Variants in NKD2 observed in about 807,000 individuals in gnomAD.
NKD2 encodes NKD inhibitor of Wnt signaling pathway 2.
NKD2 carries 43 observed loss-of-function variants against 34.8 expected under a neutral mutation model. The ratio of observed to expected loss-of-function variants is 1.24; its 90% CI spans 0.97 to 1.60. NKD2 has a LOEUF of 1.60. NKD2 is among the 40% of genes most tolerant of loss of function. The pLI, the probability that NKD2 is intolerant of heterozygous loss-of-function variation, is 0.00. For missense variants in NKD2, 675 were observed against 627.1 expected, an observed-to-expected ratio of 1.08 and a Z score of -0.82; for synonymous variants, 278 against 265.1, an observed-to-expected ratio of 1.05 and a Z score of -0.47.
At chr5:1,014,973 C>T (rs1340862338) in intron 3 of NKD2, among the ~76,000 whole-genome samples, 1 of 152,228 alleles carries the variant, frequency 6.6e-6, no homozygotes, top group Non-Finnish European at 1.5e-5. Flanking sequence ...TGCTGCCACT[C>T]ACAGCCTGGC....
At chr5:1,017,894 G>C (rs1756021995) in intron 3 of NKD2, among the ~76,000 whole-genome samples, 1 of 151,956 alleles carries the variant, frequency 6.6e-6, no homozygotes, top group Non-Finnish European at 1.5e-5. Context: ...TGGGGTGTGA[G>C]AGAGGCCGAG....
Position 1,032,132 on chromosome 5 carries a change from C to G in NKD2, c.142-20C>G. 6.2e-7 allele frequency: 1 copy of G among 1,609,266 alleles called. No individual in the cohort carries two copies. The highest frequency in any genetic ancestry group is 8.5e-7 in the Non-Finnish European group (1 of 1,177,180). ...GCCCACTGAGCTATGTGGCCACTGA[C>G]TGCCCCGTTCTTCCTGCAGGAGCTG... On this transcript the variant is annotated intron_variant, in intron 3 of 9. Transcript: ENST00000296849.
chr5:1,035,252 G>C (rs908289423), intron 7 of NKD2, 137 bp from the exon 8 acceptor site: 24 of 719,824 alleles, frequency 3.3e-5, no homozygotes, highest in African/African-American at 7.0e-5. Context: ...GTGAACAAGT[G>C]AGTGAGTTAA....
rs1181666564 is a variant in NKD2 at position 1,009,819 on chromosome 5, C to T, written c.141+259C>T. 3.9e-5 allele frequency among the ~76,000 whole-genome samples: 6 copies of T among 152,114 alleles called. 1 individual carries two copies. The South Asian group carries it at 8.3e-4, about 21-fold the overall frequency. ...GAATTCCTTGTCCTAGGCTGGGAGC[C>T]GTGTGGGGGCTCCATGTTTCGGGCT... On this transcript the variant is annotated intron_variant, in intron 3 of 9. Transcript: ENST00000296849. This position sits in a 1 kb window ranked among gnomAD's most constrained non-coding sequence, Gnocchi z 6.9.
intron 5 of NKD2, among the ~76,000 whole-genome samples, chr5:1,033,718 A>G (rs544593216): frequency 6.6e-6 from 1 of 152,358 alleles, no homozygotes; most frequent in Admixed American, 6.5e-5. Context: ...GAATTTGGCC[A>G]AAACTGACTG....
chr5:1,028,515 G>C (rs964492097), intron 3 of NKD2, among the ~76,000 whole-genome samples: 4 of 152,072 alleles, frequency 2.6e-5, no homozygotes, highest in Non-Finnish European at 4.4e-5. Flanking sequence ...GCCCACGGTC[G>C]GGTTCCTGTC....
intron 7 of NKD2, 131 bp downstream of exon 7, chr5:1,035,034 G>T (rs1733792072): frequency 1.2e-6 from 1 of 821,212 alleles, no homozygotes; most frequent in Non-Finnish European, 1.9e-6. Flanking sequence ...GTGAGTGAGT[G>T]AATGAGTAAG....
Position 1,038,426 on chromosome 5 carries a change from G to A in NKD2, c.*53G>A. The A allele has an allele frequency of 6.5e-7, 1 of 1,535,544 alleles. No individual in the cohort carries two copies. Among genetic ancestry groups the A allele is most frequent in the Non-Finnish European group, 8.7e-7 (1 of 1,146,680 alleles). ...AGCACACCACAGCCCGCGACCTCAG[G>A]GCAGGGAGCAGAGCAGCTGCCGGCT... is the stretch of plus-strand genomic sequence containing the variant. On this transcript the variant is annotated 3_prime_UTR_variant, in exon 10 of 10. Transcript: ENST00000296849. The surrounding 1 kb of genome is among the most constrained non-coding windows in gnomAD (Gnocchi z 4.5).
chr5:1,012,248 A>C (rs1755779605), intron 3 of NKD2, among the ~76,000 whole-genome samples: 1 of 152,262 alleles, frequency 6.6e-6, no homozygotes. Flanking sequence ...ACAGGCTTCC[A>C]TGAAGTAGTG....
chr5:1,031,725 C>T (rs1756651323), intron 3 of NKD2, among the ~76,000 whole-genome samples: 1 of 152,178 alleles, frequency 6.6e-6, no homozygotes, highest in Non-Finnish European at 1.5e-5. Context: ...ATGTTGGGGT[C>T]CTGGGCAGCC....
At chr5:1,032,473 GTC>G (rs1241162622) in intron 4 of NKD2, among the ~76,000 whole-genome samples, 1 of 152,244 alleles carries the variant, frequency 6.6e-6, no homozygotes, top group African/African-American at 2.4e-5. Flanking sequence ...TGTGTTTGGA[GTC>G]TCTGTGAGCC....
chr5:1,021,045 GACAGAA>G (rs59457803), intron 3 of NKD2, among the ~76,000 whole-genome samples: 6,464 of 152,200 alleles, frequency 0.042, 417 homozygotes, highest in African/African-American at 0.14. Flanking sequence ...TGAAGAGGGA[GACAGAA>G]ACATTTCTAT....
chr5:1,027,953 C>T (rs1019318202), intron 3 of NKD2, among the ~76,000 whole-genome samples: 6 of 152,242 alleles, frequency 3.9e-5, no homozygotes, highest in East Asian at 3.8e-4. Context: ...TTCCGACAGA[C>T]GGGGTGGCTC....
intron 4 of NKD2, among the ~76,000 whole-genome samples, 156 bp downstream of exon 4, chr5:1,032,368 C>A (rs918680717): frequency 2.6e-5 from 4 of 152,250 alleles, no homozygotes. Context: ...CTTGGCAGCA[C>A]AACTCACAGG....
chr5:1,020,695 A>G (rs1554002358), intron 3 of NKD2, among the ~76,000 whole-genome samples: 3 of 99,764 alleles, frequency 3.0e-5, no homozygotes. Context: ...TTTTTTCTGC[A>G]TGTGTTTTAC....
In NKD2 at chr5:1,033,502, G is replaced by A; in HGVS notation, c.330+3G>A. The A allele has an allele frequency of 2.6e-6, 4 of 1,547,524 alleles. No homozygotes were observed. The highest frequency in any genetic ancestry group is 3.5e-6 in the Non-Finnish European group (4 of 1,144,998). Reference sequence around the variant, plus strand: ...GCGGGCAGCGCCTCAACATTGACGTGGGTCTCTCTCCGGCCTCACTTGCGG... The same window carrying A: ...GCGGGCAGCGCCTCAACATTGACGTAGGTCTCTCTCCGGCCTCACTTGCGG... On this transcript the variant is annotated splice_donor_region_variant and intron_variant, in intron 5 of 9. Coordinates refer to ENST00000296849, the MANE Select transcript of NKD2 (RefSeq NM_033120.4).
At chr5:1,027,676 G>A (rs1256514501) in intron 3 of NKD2, among the ~76,000 whole-genome samples, 5 of 152,222 alleles carry the variant, frequency 3.3e-5, no homozygotes, top group Admixed American at 2.0e-4. Context: ...CCAGAGGGCC[G>A]TGACTTCACT....
At chr5:1,033,175 G>A (rs990720019) in intron 4 of NKD2, among the ~76,000 whole-genome samples, 197 bp from the exon 5 acceptor site, 1 of 152,194 alleles carries the variant, frequency 6.6e-6, no homozygotes, top group African/African-American at 2.4e-5. Context: ...GCTGGTGAGA[G>A]GAGGGCACAC....
rs981126864 is a variant in NKD2 at position 1,038,158 on chromosome 5, G to A, written c.1141G>A (p.Gly381Ser). 1.3e-5 allele frequency: 20 copies of A among 1,585,152 alleles called. No homozygotes were observed. The highest frequency in any genetic ancestry group is 6.9e-5 in the East Asian group (3 of 43,698). Residue 381 changes from glycine to serine, a missense_variant, in exon 10 of 10, where the codon GGC (glycine) becomes AGC (serine). Transcript: ENST00000296849. This position sits in a 1 kb window ranked among gnomAD's most constrained non-coding sequence, Gnocchi z 4.5. ...CCCGCAGCCCCCACCGCCACCCTAC[G>A]GCCACAAGCGGTACCGCCAAAAGGG... The part of the protein sequence containing the change: ...HLPQPPPPPY[G>S]HKRYRQKGRE...
Sources: gnomAD v4.1 joint callset for allele counts (sites outside exome capture counted in the v4.1 genomes callset) on GRCh38, gnomAD v4.1.1 for gene constraint, Gnocchi (gnomAD v3.1) non-coding constraint, MANE v1.5 for transcripts, NCBI Gene and HGNC (gene_info 2026-07-23, HGNC 2026-07-21) for gene names.